The following LRRC36 variants were observed in gnomAD, a reference collection of about 807,000 sequenced individuals.
LRRC36 encodes leucine-rich repeat-containing protein 36.
In LRRC36, 62 loss-of-function variants were observed where a neutral mutation model predicts 81.1. The observed-to-expected ratio is 0.76, with a 90% CI of 0.62 to 0.94. The LOEUF (loss-of-function observed/expected upper bound fraction) is 0.94, where lower values mean the gene tolerates loss of function less well. Among genes scored for constraint, LRRC36 ranks in the 40% least tolerant of loss-of-function variants. The pLI is 0.00. For synonymous variants in LRRC36, 334 were observed against 348.6 expected, an observed-to-expected ratio of 0.96 and a Z score of 0.47; for missense variants, 761 against 881.7, an observed-to-expected ratio of 0.86 and a Z score of 1.73.
chr16:67,367,037 C>T lies in LRRC36; in HGVS notation c.775C>T (p.Arg259Cys), dbSNP rs77430254. 12,361 of 1,610,404 alleles carry T rather than the reference C, an allele frequency of 7.7e-3. 70 individuals carry two copies. Among genetic ancestry groups the T allele is most frequent in the Non-Finnish European group, 8.4e-3 (9,899 of 1,178,492 alleles). Residue 259 changes from arginine (R) to cysteine (C), a missense_variant, in exon 8 of 14, where the codon CGT becomes TGT. Transcript: ENST00000329956. ...TTTAGAGTTCAGACACTACTCGCCT[C>T]GTCAGTCCACAGTCCGATCCCCAGA... ...QEDEFRHYSPRQSTVRSPEKM... is the reference protein window; with the variant it reads ...QEDEFRHYSPCQSTVRSPEKM...
At chr16:67,370,680 G>A (rs113397476) in intron 8 of LRRC36, among the ~76,000 whole-genome samples, 8 of 151,678 alleles carry the variant, frequency 5.3e-5, no homozygotes, top group African/African-American at 1.7e-4. Context: ...CACTAAGGGC[G>A]CAGTTACAAT....
chr16:67,371,072 A>G lies in LRRC36; in HGVS notation c.1324A>G (p.Asn442Asp), dbSNP rs750214872. Residue 442 changes from asparagine (N) to aspartate (D), a missense_variant, in exon 9 of 14, where the codon AAC becomes GAC. Physicochemically the swap from Asn to Asp is conservative, Grantham distance 23. Coordinates refer to ENST00000329956, the MANE Select transcript of LRRC36 (RefSeq NM_018296.6). ...TGTCCCAAACAACGCTGTCCTGGGA[A>G]ACAGGACAACTCCTCTGCGGACACT... ...GSVPNNAVLG[N>D]RTTPLRTLLL... 1.2e-6 allele frequency: 2 copies of G among 1,614,212 alleles called. No homozygotes were observed. Among genetic ancestry groups the G allele is most frequent in the Non-Finnish European group, 1.7e-6 (2 of 1,180,034 alleles).
chr16:67,367,480 C>G, intron 8 of LRRC36, 23 bp downstream of exon 8: 1 of 1,584,622 alleles, frequency 6.3e-7, no homozygotes, highest in Non-Finnish European at 8.6e-7. Context: ...TGTCAGTTTA[C>G]AGGTCTTCTT....
rs1255518693 is a variant in LRRC36, at chr16:67,371,123, C to G, written c.1375C>G (p.His459Asp). ...TLLLSPGTSE[H>D]RKIFTKRSLS... is the part of the protein sequence containing the mutation. ...GCTGTTGTCTCCTGGGACTTCAGAA[C>G]ACAGAAAGATTTTTACCAAGAGGTC... is the stretch of plus-strand genomic sequence containing the variant. Residue 459 changes from histidine to aspartate, a missense_variant, in exon 9 of 14, where the codon CAC (histidine) becomes GAC (aspartate). Transcript: ENST00000329956. The G allele has an allele frequency of 6.2e-7, 1 of 1,614,204 alleles. No homozygotes were observed. The highest frequency in any genetic ancestry group is 2.2e-5 in the East Asian group (1 of 44,892).
rs1218162494 is a variant in LRRC36 at position 67,350,438 on chromosome 16, C to T, written c.577+148C>T. 8.7e-6 allele frequency: 6 copies of T among 690,326 alleles called. No individual in the cohort carries two copies. In the African/African-American group the frequency reaches 9.0e-5, roughly 10 times the overall value. The allele number at this position is 690,326 out of a possible 1,614,324, so 42.8% of individuals were successfully genotyped here. A position where few individuals can be genotyped will look rare whatever the true frequency, so the allele number is the denominator to read the frequency against. The stretch of plus-strand genomic sequence containing the variant: ...TTACTGGCTGTGTTTTTCTTCCATC[C>T]TCTCACTGCCAGAAGGACCTTACAG... On this transcript the variant is annotated intron_variant, in intron 5 of 13. Coordinates refer to ENST00000329956, the MANE Select transcript of LRRC36 (RefSeq NM_018296.6).
At chr16:67,383,057 G>A (rs1341543239) in intron 13 of LRRC36, among the ~76,000 whole-genome samples, 2 of 131,526 alleles carry the variant, frequency 1.5e-5, no homozygotes, top group Admixed American at 1.6e-4. Flanking sequence ...TGTCAACAGA[G>A]CGAGGCTCCG....
At chr16:67,340,416 G>C (rs2037975707) in intron 1 of LRRC36, among the ~76,000 whole-genome samples, 1 of 152,022 alleles carries the variant, frequency 6.6e-6, no homozygotes, top group Non-Finnish European at 1.5e-5. Flanking sequence ...CCAGCACTTT[G>C]GGAGGCTGAG....
At chr16:67,353,544 G>A (rs2038756097) in intron 5 of LRRC36, among the ~76,000 whole-genome samples, 1 of 151,968 alleles carries the variant, frequency 6.6e-6, no homozygotes, top group South Asian at 2.1e-4. Context: ...GCACCAACAT[G>A]CCCAGCTAAT....
chr16:67,333,925 C>T (rs867104585), intron 1 of LRRC36, among the ~76,000 whole-genome samples: 1 of 151,874 alleles, frequency 6.6e-6, no homozygotes, highest in Non-Finnish European at 1.5e-5. Flanking sequence ...AATATTGATG[C>T]GATTATTAAC....
intron 2 of LRRC36, among the ~76,000 whole-genome samples, chr16:67,344,031 G>A (rs1276952985): frequency 2.4e-4 from 36 of 151,966 alleles, no homozygotes; most frequent in African/African-American, 4.8e-5. Flanking sequence ...TAGCCAGGTT[G>A]GTCTCAAACT....
intron 5 of LRRC36, among the ~76,000 whole-genome samples, 157 bp from the exon 6 acceptor site, chr16:67,363,433 G>A (rs558386302): frequency 9.2e-4 from 140 of 152,312 alleles, no homozygotes; most frequent in Middle Eastern, 6.8e-3. Flanking sequence ...AAGTAGAGAG[G>A]TTAAGTGATT....
intron 12 of LRRC36, among the ~76,000 whole-genome samples, chr16:67,380,496 C>T (rs1047571323): frequency 2.0e-5 from 3 of 152,194 alleles, no homozygotes; most frequent in African/African-American, 7.2e-5. Flanking sequence ...GACAGACTAG[C>T]TTAGCACCCC....
At chr16:67,382,748 C>T (rs1359564149) in intron 13 of LRRC36, among the ~76,000 whole-genome samples, 2 of 152,146 alleles carry the variant, frequency 1.3e-5, no homozygotes, top group African/African-American at 4.8e-5. Context: ...CTTTGGGAGG[C>T]CGAGGCAGGT....
At chr16:67,345,356 T>A (rs1281018272) in intron 2 of LRRC36, among the ~76,000 whole-genome samples, 1 of 151,720 alleles carries the variant, frequency 6.6e-6, no homozygotes, top group Non-Finnish European at 1.5e-5. Context: ...TATGTACATG[T>A]TTTGAAATTG....
intron 5 of LRRC36, among the ~76,000 whole-genome samples, chr16:67,361,899 A>G (rs2039163215): frequency 6.6e-6 from 1 of 151,980 alleles, no homozygotes; most frequent in Non-Finnish European, 1.5e-5. Context: ...ATGGAACACT[A>G]TTTCCTTTAC....
At chr16:67,334,614 C>A (rs1051254714) in intron 1 of LRRC36, among the ~76,000 whole-genome samples, 2 of 152,102 alleles carry the variant, frequency 1.3e-5, no homozygotes, top group African/African-American at 2.4e-5. Flanking sequence ...CATGAGCCAG[C>A]GTGCCTGGCC....
At chr16:67,331,863 C>T (rs1331479941) in intron 1 of LRRC36, among the ~76,000 whole-genome samples, 1 of 152,018 alleles carries the variant, frequency 6.6e-6, no homozygotes, top group Non-Finnish European at 1.5e-5. Context: ...TGGCACATGC[C>T]TGTAATCCCA....
intron 5 of LRRC36, among the ~76,000 whole-genome samples, chr16:67,354,278 CTT>C (rs1344036567): frequency 6.6e-6 from 1 of 151,852 alleles, no homozygotes; most frequent in African/African-American, 2.4e-5. Context: ...TTTAATGAAA[CTT>C]TTTTTGTTTG....
At chr16:67,336,794 A>G (rs1207934246) in intron 1 of LRRC36, 1 of 150,632 alleles carries the variant, frequency 6.6e-6, no homozygotes, top group Non-Finnish European at 1.5e-5. Context: ...AAATAGGGTA[A>G]TCTTACTTTG....
Sources: gnomAD v4.1 joint callset for allele counts (sites outside exome capture counted in the v4.1 genomes callset) on GRCh38, gnomAD v4.1.1 for gene constraint, MANE v1.5 for transcripts, NCBI Gene and HGNC (gene_info 2026-07-23, HGNC 2026-07-21) for gene names.